Variants in MYH7B observed in about 807,000 individuals in gnomAD.
The protein encoded by MYH7B is myosin-7B.
Under a neutral mutation model 234.5 loss-of-function variants are expected in MYH7B, and 205 were observed. The observed-to-expected ratio is 0.87, with a 90% confidence interval of 0.78 to 0.98. The LOEUF (loss-of-function observed/expected upper bound fraction) is 0.98. Ranked by LOEUF, MYH7B falls within the 50% of genes least tolerant of loss-of-function variation. The probability of loss-of-function intolerance (pLI) is 0.00; values close to 1 mark genes in which losing one functional copy is unlikely to be tolerated. For missense variants in MYH7B, 2,652 were observed against 2,633.4 expected, an observed-to-expected ratio of 1.01 and a Z score of -0.15; for synonymous variants, 1,193 against 1,105.0, an observed-to-expected ratio of 1.08 and a Z score of -1.58.
chr20:35,001,686 C>T (rs2147250383), intron 43 of MYH7B, 160 bp downstream of exon 43: 1 of 799,208 alleles, frequency 1.3e-6, no homozygotes. Flanking sequence ...GACCTAGCTC[C>T]TTCTCATGGA....
chr20:34,957,884 A>G (rs550322266), intron 1 of MYH7B, among the ~76,000 whole-genome samples: 1 of 152,144 alleles, frequency 6.6e-6, no homozygotes, highest in East Asian at 1.9e-4. Context: ...ATGGGGGGAG[A>G]TGGTGGCAGA....
chr20:34,982,304 G>T (rs2081951980), intron 9 of MYH7B, among the ~76,000 whole-genome samples, 155 bp from the exon 10 acceptor site: 1 of 151,888 alleles, frequency 6.6e-6, no homozygotes, highest in South Asian at 2.1e-4. Flanking sequence ...GTCTACACTG[G>T]CTTGCTTTGT....
At position 34,988,805 on chromosome 20, in the gene MYH7B, CCTT is replaced by C. The variant is rs1232322469; in HGVS notation, c.1587+544_1587+546del. Among the ~76,000 whole-genome samples, 8 of 113,128 alleles carry C rather than the reference CCTT, an allele frequency of 7.1e-5. No individual in the cohort carries two copies. In the East Asian group the frequency reaches 1.3e-3, roughly 18 times the overall value. The allele number at this position is 113,128 out of a possible 152,430, so 74.2% of individuals were successfully genotyped here. ...GTTCATTTCCTCGAAATCCTTTATC[CCTT>C]TTTTTTTTTTTTTTTTTTTGAGATG... is the stretch of plus-strand genomic sequence containing the variant. On this transcript the variant is annotated intron_variant, in intron 19 of 44. Coordinates refer to ENST00000262873, the Ensembl canonical transcript of MYH7B.
intron 26 of MYH7B, among the ~76,000 whole-genome samples, chr20:34,993,781 C>T (rs751034113): frequency 2.0e-5 from 3 of 152,244 alleles, no homozygotes; most frequent in Non-Finnish European, 4.4e-5. Context: ...CTGGTTAAAG[C>T]GCTGACGGTC....
At chr20:34,993,430 C>A in exon 26 of MYH7B, 1 of 1,610,582 alleles carries the variant, frequency 6.2e-7, no homozygotes, top group Non-Finnish European at 8.5e-7. Flanking sequence ...GAGCCGTGGC[C>A]GCCTCATGCG....
At chr20:34,984,627 TGCCCCACCCC>T in intron 10 of MYH7B, 55 bp from the exon 11 acceptor site, 3 of 1,309,860 alleles carry the variant, frequency 2.3e-6, no homozygotes, top group Non-Finnish European at 3.3e-6. Context: ...GCTGATACCC[TGCCCCACCCC>T]GCCCTTCCCC....
At chr20:34,994,084 A>C (rs1359322996) in intron 26 of MYH7B, 62 bp from the exon 27 acceptor site, 1 of 1,585,486 alleles carries the variant, frequency 6.3e-7, no homozygotes, top group African/African-American at 1.3e-5. Context: ...AACTGTGCTG[A>C]GTGTCACCAT....
intron 17 of MYH7B, 22 bp from the exon 18 acceptor site, chr20:34,987,743 C>T: frequency 5.0e-6 from 8 of 1,613,934 alleles, no homozygotes; most frequent in Non-Finnish European, 6.8e-6. Flanking sequence ...CAGGTCCCAG[C>T]CCAGCCTCCC....
chr20:34,959,237 C>T (rs1024389963), intron 2 of MYH7B, among the ~76,000 whole-genome samples: 1 of 152,184 alleles, frequency 6.6e-6, no homozygotes, highest in Non-Finnish European at 1.5e-5. Context: ...CAGATCAAGA[C>T]ACATAGGATT....
chr20:34,981,078 G>A lies in MYH7B; in HGVS notation c.527+18G>A. 6.2e-7 allele frequency: 1 copy of A among 1,613,338 alleles called. No homozygotes were observed. Among genetic ancestry groups the A allele is most frequent in the Non-Finnish European group, 8.5e-7 (1 of 1,179,756 alleles). On this transcript the variant is annotated intron_variant, in intron 9 of 44. Transcript: ENST00000262873. Reference sequence around the variant, plus strand: ...CTGATCACGTGAGTGTGGGGCTCTGGGGGTGGGGTGGAAAATGCTGGCCAT... The same window carrying A: ...CTGATCACGTGAGTGTGGGGCTCTGAGGGTGGGGTGGAAAATGCTGGCCAT...
chr20:34,977,839 C>G, intron 4 of MYH7B, 95 bp from the exon 5 acceptor site: 2 of 1,543,352 alleles, frequency 1.3e-6, no homozygotes, highest in Non-Finnish European at 1.8e-6. Flanking sequence ...CCCAAGGAGG[C>G]TGCATTGGGA....
intron 10 of MYH7B, among the ~76,000 whole-genome samples, chr20:34,983,269 TTTC>T (rs1416425712): frequency 1.4e-5 from 2 of 146,072 alleles, no homozygotes; most frequent in African/African-American, 5.1e-5. Context: ...TTCTTTTCTC[TTTC>T]TTTTTTCTTT....
rs746503083 is a variant in MYH7B at position 35,001,532 on chromosome 20, T to C, written c.5676+6T>C. Reference sequence around the variant, plus strand: ...AGCGCCAGTTTGAGGAGGCGGTGAGTGCGCTGGGGCCTGGACACCTGGACC... The same window carrying C: ...AGCGCCAGTTTGAGGAGGCGGTGAGCGCGCTGGGGCCTGGACACCTGGACC... On this transcript the variant is annotated splice_donor_region_variant and intron_variant, in intron 43 of 44. Coordinates refer to ENST00000262873, the Ensembl canonical transcript of MYH7B. The C allele has an allele frequency of 1.3e-6, 2 of 1,598,722 alleles. No individual in the cohort carries two copies. Among genetic ancestry groups the C allele is most frequent in the South Asian group, 1.1e-5 (1 of 89,084 alleles).
intron 4 of MYH7B, 58 bp downstream of exon 4, chr20:34,977,738 G>GCCC: frequency 2.8e-5 from 9 of 317,142 alleles, no homozygotes; most frequent in Non-Finnish European, 5.3e-5. Context: ...GGGCGGGTGG[G>GCCC]TGAGGGTGCC....
At position 34,994,143 on chromosome 20, in the gene MYH7B, T is replaced by C; in HGVS notation, c.2445-3T>C. 6.2e-7 allele frequency: 1 copy of C among 1,610,280 alleles called. No homozygotes were observed. The highest frequency in any genetic ancestry group is 1.1e-5 in the South Asian group (1 of 91,030). The stretch of plus-strand genomic sequence containing the variant: ...CCTTCACAGCTTGGCTGCCCCTCCC[T>C]AGGGATGCGCTGTTCACCATCCAGT... On this transcript the variant is annotated splice_polypyrimidine_tract_variant and splice_region_variant and intron_variant, in intron 26 of 44. Coordinates refer to ENST00000262873, the Ensembl canonical transcript of MYH7B.
At chr20:34,979,774 G>C (rs556146194) in exon 7 of MYH7B, 3 of 1,614,050 alleles carry the variant, frequency 1.9e-6, no homozygotes, top group Non-Finnish European at 2.5e-6. Context: ...TGCACAACCT[G>C]CGCCAGCGCT....
At chr20:34,986,343 G>A in intron 14 of MYH7B, 145 bp downstream of exon 14, 1 of 662,288 alleles carries the variant, frequency 1.5e-6, no homozygotes, top group Non-Finnish European at 2.6e-6. Context: ...GGGACTTTTG[G>A]TTACTTTCCT....
At chr20:34,994,818 TTG>T (rs2082222463) in intron 27 of MYH7B, among the ~76,000 whole-genome samples, 1 of 152,212 alleles carries the variant, frequency 6.6e-6, no homozygotes, top group African/African-American at 2.4e-5. Context: ...GCACATGGCT[TTG>T]TGTATCAATT....
exon 36 of MYH7B, chr20:34,999,096 G>A (rs368451045): frequency 1.1e-5 from 18 of 1,613,022 alleles, no homozygotes; most frequent in Non-Finnish European, 1.4e-5. Flanking sequence ...AGAGGAGGGC[G>A]TGGAGGCTGC....
Sources: gnomAD v4.1 joint callset for allele counts (sites outside exome capture counted in the v4.1 genomes callset) on GRCh38, gnomAD v4.1.1 for gene constraint, MANE v1.5 for transcripts, NCBI Gene and HGNC (gene_info 2026-07-23, HGNC 2026-07-21) for gene names.